The following LOC400499 variants were observed in gnomAD, a reference collection of about 807,000 sequenced individuals.
At chr16:11,427,703 C>A in the LOC400499 span, among the ~76,000 whole-genome samples, 1 of 152,140 alleles carries the variant, frequency 6.6e-6, no homozygotes, top group Admixed American at 6.5e-5. Flanking sequence ...TCCTCCACCT[C>A]CCAAAGTGCT....
chr16:11,496,721 T>C, the LOC400499 span, among the ~76,000 whole-genome samples: 2 of 152,284 alleles, frequency 1.3e-5, no homozygotes, highest in Admixed American at 6.5e-5. Context: ...CCAGTGTGTC[T>C]TGGTGTGCCT....
chr16:11,483,013 T>C, the LOC400499 span, among the ~76,000 whole-genome samples: 2 of 152,110 alleles, frequency 1.3e-5, no homozygotes, highest in Admixed American at 1.3e-4. Context: ...GATTTGAATG[T>C]ACATTTCACC....
the LOC400499 span, among the ~76,000 whole-genome samples, chr16:11,514,886 T>C: frequency 6.6e-6 from 1 of 152,212 alleles, no homozygotes; most frequent in Non-Finnish European, 1.5e-5. Context: ...TCTTAGATGC[T>C]GAGACTTTTG....
the LOC400499 span, among the ~76,000 whole-genome samples, chr16:11,468,722 G>T: frequency 6.6e-6 from 1 of 152,134 alleles, no homozygotes. Flanking sequence ...CCGCCTCCTG[G>T]GTTCAAGTGA....
At chr16:11,391,067 G>A in the LOC400499 span, among the ~76,000 whole-genome samples, 3 of 152,240 alleles carry the variant, frequency 2.0e-5, no homozygotes, top group Admixed American at 1.3e-4. Flanking sequence ...GAGTCCTGGC[G>A]CATTCCTCCT....
chr16:11,400,106 C>T, the LOC400499 span, among the ~76,000 whole-genome samples: 3 of 151,422 alleles, frequency 2.0e-5, no homozygotes, highest in Admixed American at 2.0e-4. Context: ...TCAGCATTTC[C>T]AAAGACAGAA....
At chr16:11,489,936 G>A in the LOC400499 span, among the ~76,000 whole-genome samples, 1 of 152,206 alleles carries the variant, frequency 6.6e-6, no homozygotes, top group African/African-American at 2.4e-5. Context: ...GTTTGTGGTT[G>A]TTGCTTCTAA....
the LOC400499 span, chr16:11,460,730 AC>A: frequency 7.3e-7 from 1 of 1,376,536 alleles, no homozygotes; most frequent in Non-Finnish European, 9.6e-7. Context: ...GCTTTGCTCC[AC>A]CTGTCACTCC....
the LOC400499 span, among the ~76,000 whole-genome samples, chr16:11,380,378 G>C: frequency 7.2e-5 from 11 of 151,896 alleles, no homozygotes; most frequent in African/African-American, 2.2e-4. Context: ...TCAGGAGTTC[G>C]AGACCAGCCT....
At chr16:11,427,520 C>A in the LOC400499 span, among the ~76,000 whole-genome samples, 1 of 152,140 alleles carries the variant, frequency 6.6e-6, no homozygotes, top group Non-Finnish European at 1.5e-5. Context: ...TCATGGCTCA[C>A]TGCAATGTCC....
chr16:11,446,903 A>T, the LOC400499 span: 2 of 1,534,780 alleles, frequency 1.3e-6, no homozygotes, highest in South Asian at 1.2e-5. Flanking sequence ...GGCAGGTGCA[A>T]CGGGTGCCTG....
the LOC400499 span, among the ~76,000 whole-genome samples, chr16:11,460,770 A>C: frequency 4.6e-5 from 7 of 152,378 alleles, no homozygotes; most frequent in South Asian, 1.2e-3. Context: ...GGAGGTGTTA[A>C]GAGATGGGTG....
At chr16:11,449,496 G>A in the LOC400499 span, among the ~76,000 whole-genome samples, 1 of 152,188 alleles carries the variant, frequency 6.6e-6, no homozygotes, top group African/African-American at 2.4e-5. Flanking sequence ...AGGAAGAGGT[G>A]GGTGTCATCT....
the LOC400499 span, among the ~76,000 whole-genome samples, chr16:11,447,320 G>A: frequency 8.5e-5 from 13 of 152,218 alleles, no homozygotes; most frequent in Middle Eastern, 3.4e-3. Context: ...AATACTGATT[G>A]GACACAGTGG....
the LOC400499 span, among the ~76,000 whole-genome samples, chr16:11,523,883 T>A: frequency 1.4e-5 from 2 of 147,480 alleles, no homozygotes; most frequent in Admixed American, 1.3e-4. Context: ...CCTGCTCCTA[T>A]CCATCCATTC....
At chr16:11,383,574 G>A in the LOC400499 span, 63 of 1,223,100 alleles carry the variant, frequency 5.2e-5, no homozygotes, top group African/African-American at 9.3e-4. Context: ...GAAAGGGACT[G>A]GTTTTCCCTC....
chr16:11,411,166 C>A, the LOC400499 span: 2 of 398,942 alleles, frequency 5.0e-6, no homozygotes, highest in Non-Finnish European at 8.8e-6. Flanking sequence ...ATTAACACTC[C>A]CCAGAGGGGC....
At chr16:11,525,535 C>G in the LOC400499 span, among the ~76,000 whole-genome samples, 1 of 152,180 alleles carries the variant, frequency 6.6e-6, no homozygotes, top group Non-Finnish European at 1.5e-5. Context: ...TCCCTTCCAA[C>G]TTTCCTTCAA....
the LOC400499 span, among the ~76,000 whole-genome samples, chr16:11,428,204 C>T: frequency 7.3e-5 from 11 of 151,296 alleles, no homozygotes; most frequent in Non-Finnish European, 1.5e-4. Flanking sequence ...GACTGAGTTT[C>T]GCTCTTGTTG....
Sources: allele counts gnomAD v4.1 joint callset (sites outside exome capture counted in the v4.1 genomes callset), GRCh38; gene constraint gnomAD v4.1.1; transcripts MANE v1.5.